NAE1: variants seen among roughly 807,000 people sequenced by gnomAD.
The protein encoded by NAE1 is NEDD8 activating enzyme E1 subunit 1.
In NAE1, 59 loss-of-function variants were observed where a neutral mutation model predicts 88.0. That is an observed-to-expected ratio of 0.67 (90% CI 0.54 to 0.83). NAE1 has a LOEUF of 0.83. NAE1 is among the 40% of genes least tolerant of loss of function. The pLI is 0.00. For missense variants in NAE1, 554 were observed against 632.8 expected, an observed-to-expected ratio of 0.88 and a Z score of 1.34; for synonymous variants, 186 against 208.9, an observed-to-expected ratio of 0.89 and a Z score of 0.95.
intron 13 of NAE1, among the ~76,000 whole-genome samples, chr16:66,812,834 T>C (rs897753435): frequency 1.3e-5 from 2 of 149,086 alleles, no homozygotes; most frequent in African/African-American, 5.0e-5. Context: ...TCTTTTTTTT[T>C]TTTTTTGAGA....
chr16:66,827,993 T>G, intron 1 of NAE1: 1 of 1,613,514 alleles, frequency 6.2e-7, no homozygotes, highest in Non-Finnish European at 8.5e-7. Context: ...GCTTCATTTG[T>G]TTTTGTTTGC....
At chr16:66,830,038 A>C (rs1028626919) in intron 1 of NAE1, among the ~76,000 whole-genome samples, 1 of 152,240 alleles carries the variant, frequency 6.6e-6, no homozygotes, top group Middle Eastern at 3.4e-3. Flanking sequence ...GGCGCGCACC[A>C]CCACGCCCAG....
rs1302271506 is a variant in NAE1, at chr16:66,813,704, G to T, written c.901-7C>A. 1 of 1,611,172 alleles carries T rather than the reference G, an allele frequency of 6.2e-7. No homozygotes were observed. Among genetic ancestry groups the T allele is most frequent in the African/African-American group, 1.3e-5 (1 of 74,770 alleles). On this transcript the variant is annotated splice_region_variant and splice_polypyrimidine_tract_variant and intron_variant, in intron 12 of 19. Coordinates refer to ENST00000290810, the MANE Select transcript of NAE1 (RefSeq NM_003905.4). ...AAATCCAAAATGATGGAGTCTAAAA[G>T]AATAAGAAAAAATTAACATTAAGTG... is the stretch of plus-strand genomic sequence containing the variant.
Position 66,805,821 on chromosome 16 carries a change from C to T in NAE1, c.1451G>A (p.Arg484Gln), listed in dbSNP as rs762421870. Residue 484 changes from arginine (R) to glutamine (Q), a missense_variant, in exon 19 of 20, where the codon CGA (arginine) becomes CAA (glutamine). Transcript: ENST00000290810. ...GGTATGTGGCTCAGCAGCTCCATAT[C>T]GGCAACTAAAGGAGACCACAGAGAC... ...VKDDYVHEFC[R>Q]YGAAEPHTIA... 17 of 1,540,388 alleles carry T rather than the reference C, an allele frequency of 1.1e-5. No individual in the cohort carries two copies. In the East Asian group the frequency reaches 2.1e-4, roughly 19 times the overall value.
At position 66,813,586 on chromosome 16, in the gene NAE1, T is replaced by C. The variant is rs1454577990; in HGVS notation, c.1012A>G (p.Lys338Glu). ...TIPDMIADSG[K>E]YIKLQNVYRE... ...TACACGTTTTGCAGTTTTATATATTTGCCTGAATCTGCAATCATATCAGGA... is the reference window on the plus strand; with the variant it reads ...TACACGTTTTGCAGTTTTATATATTCGCCTGAATCTGCAATCATATCAGGA... Residue 338 changes from lysine (K) to glutamate (E), a missense_variant, in exon 13 of 20, where the codon AAA becomes GAA. Transcript: ENST00000290810. 8.1e-6 allele frequency: 13 copies of C among 1,612,880 alleles called. No individual in the cohort carries two copies. The highest frequency in any genetic ancestry group is 1.1e-5 in the Non-Finnish European group (13 of 1,179,578).
chr16:66,811,067 T>C (rs2145319184), intron 13 of NAE1, among the ~76,000 whole-genome samples: 1 of 152,314 alleles, frequency 6.6e-6, no homozygotes, highest in South Asian at 2.1e-4. Context: ...ACAGAGGACC[T>C]GAAAAAATAC....
Position 66,817,587 on chromosome 16 carries a change from T to C in NAE1, c.622-100A>G, listed in dbSNP as rs1960097043. 4.8e-6 allele frequency: 4 copies of C among 828,196 alleles called. No homozygotes were observed. The South Asian group carries it at 7.8e-5, about 16-fold the overall frequency. 51.3% of individuals were successfully genotyped at this position (828,196 alleles called of 1,614,324 possible). On this transcript the variant is annotated intron_variant, in intron 8 of 19. Coordinates refer to ENST00000290810, the MANE Select transcript of NAE1 (RefSeq NM_003905.4). ...TTCAACAATATTTATGATCTCCTAATATATGCAGAGTAGTGAATAGACGAA... is the reference window on the plus strand; with the variant it reads ...TTCAACAATATTTATGATCTCCTAACATATGCAGAGTAGTGAATAGACGAA...
At chr16:66,805,856 G>C in intron 18 of NAE1, 30 bp from the exon 19 acceptor site, 1 of 1,574,258 alleles carries the variant, frequency 6.4e-7, no homozygotes, top group East Asian at 2.3e-5. Flanking sequence ...CATGAATTTT[G>C]ATTAGCCTTA....
In NAE1 at chr16:66,806,716, A is replaced by G. The variant is rs545233646; in HGVS notation, c.1331-690T>C. ...GTGTGAGCCACCATGCCTGGCCAAT[A>G]ATAGGTCACATTTATTGAGCATTAA... On this transcript the variant is annotated intron_variant, in intron 17 of 19. Transcript: ENST00000290810. 3.1e-4 allele frequency among the ~76,000 whole-genome samples: 47 copies of G among 152,300 alleles called. 1 individual carries two copies. The South Asian group carries it at 9.8e-3, about 32-fold the overall frequency.
chr16:66,806,981 CA>C (rs1055553450), intron 17 of NAE1, among the ~76,000 whole-genome samples: 4 of 152,104 alleles, frequency 2.6e-5, no homozygotes, highest in African/African-American at 7.2e-5. Context: ...ACTGACATGC[CA>C]AAAGGAAGTC....
chr16:66,805,483 T>C (rs561753520), intron 19 of NAE1: 133 of 304,238 alleles, frequency 4.4e-4, no homozygotes, highest in Non-Finnish European at 7.4e-4. Flanking sequence ...TACAAAAAAT[T>C]GAAAAATTAG....
intron 9 of NAE1, 104 bp downstream of exon 9, chr16:66,817,311 ACCATACAACT>A (rs1336827830): frequency 1.1e-5 from 10 of 924,090 alleles, no homozygotes; most frequent in Non-Finnish European, 1.7e-5. Context: ...CATTTGCCCT[ACCATACAACT>A]CCATAAGGAA....
At chr16:66,823,718 G>C (rs1195772734) in intron 4 of NAE1, 118 bp from the exon 5 acceptor site, 4 of 746,758 alleles carry the variant, frequency 5.4e-6, no homozygotes, top group Non-Finnish European at 8.5e-6. Flanking sequence ...GCATAAGTAT[G>C]ACAACTCTGT....
At chr16:66,814,417 C>A (rs1020315959) in intron 11 of NAE1, among the ~76,000 whole-genome samples, 32 of 151,698 alleles carry the variant, frequency 2.1e-4, no homozygotes, top group African/African-American at 7.8e-4. Context: ...ACAGGAAGAC[C>A]CCGTCTATAG....
chr16:66,825,885 A>G (rs886810664), intron 3 of NAE1, among the ~76,000 whole-genome samples: 2 of 152,210 alleles, frequency 1.3e-5, no homozygotes, highest in African/African-American at 2.4e-5. Context: ...TTCTTGGTAT[A>G]TATCAATAAA....
chr16:66,815,502 G>A (rs938844535), intron 11 of NAE1, among the ~76,000 whole-genome samples: 1 of 151,894 alleles, frequency 6.6e-6, no homozygotes, highest in African/African-American at 2.4e-5. Context: ...GACTACAGGT[G>A]CATGCCACCA....
chr16:66,815,352 C>T (rs977624212), intron 11 of NAE1, among the ~76,000 whole-genome samples: 1 of 152,108 alleles, frequency 6.6e-6, no homozygotes, highest in African/African-American at 2.4e-5. Flanking sequence ...AAGTGATTCA[C>T]AAAGCACATT....
chr16:66,811,319 G>A lies in NAE1; in HGVS notation c.1035-547C>T, dbSNP rs368349846. Among the ~76,000 whole-genome samples, 111 of 152,092 alleles carry A rather than the reference G, an allele frequency of 7.3e-4. 1 individual carries two copies. The highest frequency in any genetic ancestry group is 1.2e-3 in the Non-Finnish European group (80 of 67,986). ...AATTCAGGCACACGCTACCATGCCC[G>A]ACTAATTTTTGTCTTTTTTGTAGAG... On this transcript the variant is annotated intron_variant, in intron 13 of 19. Transcript: ENST00000290810.
At chr16:66,808,171 C>T (rs897918290) in intron 17 of NAE1, among the ~76,000 whole-genome samples, 1 of 152,142 alleles carries the variant, frequency 6.6e-6, no homozygotes, top group South Asian at 2.1e-4. Flanking sequence ...GCATTACAGA[C>T]GTGAGCCACC....
Sources: gnomAD v4.1 joint callset for allele counts (sites outside exome capture counted in the v4.1 genomes callset) on GRCh38, gnomAD v4.1.1 for gene constraint, MANE v1.5 for transcripts, NCBI Gene and HGNC (gene_info 2026-07-23, HGNC 2026-07-21) for gene names.